Variants in TUSC3 observed in about 807,000 individuals in gnomAD.
TUSC3 encodes dolichyl-diphosphooligosaccharide--protein glycosyltransferase subunit TUSC3.
Under a neutral mutation model 44.8 loss-of-function variants are expected in TUSC3, and 45 were observed. The observed-to-expected ratio is 1.00, with a 90% CI of 0.79 to 1.29. The LOEUF is 1.29. Among genes scored for constraint, TUSC3 ranks in the 50% most tolerant of loss-of-function variants. The pLI is 0.00. For synonymous variants in TUSC3, 212 were observed against 152.9 expected (o/e 1.39, Z -2.85); for missense variants, 519 against 437.9 (o/e 1.19, Z -1.65).
chr8:15,535,741 C>T (rs1431499760), upstream of TUSC3, among the ~76,000 whole-genome samples: 1 of 152,030 alleles, frequency 6.6e-6, no homozygotes, highest in East Asian at 1.9e-4. Context: ...GTGATAGTAG[C>T]AGTACTATAA....
At chr8:15,492,221 G>A (rs143256696) in intron 2 of TUSC3, among the ~76,000 whole-genome samples, 24 of 152,232 alleles carry the variant, frequency 1.6e-4, no homozygotes, top group African/African-American at 5.3e-4. Context: ...ACTTGGGTAC[G>A]TTAATAATAT....
chr8:15,573,039 G>T (rs1050489025), intron 1 of TUSC3, among the ~76,000 whole-genome samples: 1 of 151,844 alleles, frequency 6.6e-6, no homozygotes, highest in Non-Finnish European at 1.5e-5. Flanking sequence ...CCATAGAGTT[G>T]CTTAATGGAG....
chr8:15,426,094 G>A (rs1799800192), intron 1 of TUSC3, among the ~76,000 whole-genome samples: 1 of 152,124 alleles, frequency 6.6e-6, no homozygotes, highest in African/African-American at 2.4e-5. Context: ...CTGTATTTAG[G>A]TGTAATTGAC....
the TUSC3 span, among the ~76,000 whole-genome samples, chr8:15,815,241 T>G: frequency 1.3e-5 from 2 of 151,998 alleles, no homozygotes; most frequent in African/African-American, 4.8e-5. Context: ...GATAGACTAT[T>G]AATAGAGAGA....
chr8:15,757,233 G>A (rs1265641987), intron 9 of TUSC3, among the ~76,000 whole-genome samples: 1 of 152,116 alleles, frequency 6.6e-6, no homozygotes, highest in African/African-American at 2.4e-5. Context: ...AGCTTACAGT[G>A]GACACAGAAA....
Position 15,556,499 on chromosome 8 carries a change from AGT to A in TUSC3, c.138+15932_138+15933del, listed in dbSNP as rs1802271772. Reference sequence around the variant, plus strand: ...GTGTCCTTATAGCAATACGATTTATAGTCCTTTGGGTATATACCCAGTAATGG... The same window carrying A: ...GTGTCCTTATAGCAATACGATTTATACCTTTGGGTATATACCCAGTAATGG... On this transcript the variant is annotated intron_variant, in intron 1 of 10. Transcript: ENST00000503731. 1.6e-4 allele frequency among the ~76,000 whole-genome samples: 24 copies of A among 151,382 alleles called. 1 individual carries two copies. Among genetic ancestry groups the A allele is most frequent in the Non-Finnish European group, 3.2e-4 (22 of 67,752 alleles).
At chr8:15,483,649 AT>A (rs60092911) in intron 2 of TUSC3, among the ~76,000 whole-genome samples, 6,734 of 65,816 alleles carry the variant, frequency 0.1, 210 homozygotes, top group Middle Eastern at 0.19. Flanking sequence ...TAGCACTGTG[AT>A]TTTTTTTTTT....
chr8:15,590,531 T>C lies in TUSC3; in HGVS notation c.139-32549T>C, dbSNP rs115336211. Among the ~76,000 whole-genome samples, 1,250 of 152,268 alleles carry C rather than the reference T, an allele frequency of 8.2e-3. 12 individuals are homozygous for C. The highest frequency in any genetic ancestry group is 0.021 in the African/African-American group (872 of 41,566). Reference sequence around the variant, plus strand: ...AACATTTAATTTTTGTTTTGAATTTTATTTACTATTTTTAGAGGTTCTAGA... The same window carrying C: ...AACATTTAATTTTTGTTTTGAATTTCATTTACTATTTTTAGAGGTTCTAGA... On this transcript the variant is annotated intron_variant, in intron 1 of 10. Transcript: ENST00000503731.
intron 2 of TUSC3, among the ~76,000 whole-genome samples, chr8:15,631,321 C>T (rs906246339): frequency 6.6e-6 from 1 of 152,078 alleles, no homozygotes; most frequent in African/African-American, 2.4e-5. Context: ...ATAGGATAAT[C>T]CCACCATTTT....
chr8:15,442,601 T>A (rs1282017223), intron 1 of TUSC3, among the ~76,000 whole-genome samples: 2 of 152,158 alleles, frequency 1.3e-5, no homozygotes, highest in African/African-American at 4.8e-5. Flanking sequence ...GATAAATGCC[T>A]TACTCCTGAT....
chr8:15,511,417 T>A (rs1013620286), intron 2 of TUSC3, among the ~76,000 whole-genome samples: 5 of 152,200 alleles, frequency 3.3e-5, no homozygotes, highest in Non-Finnish European at 5.9e-5. Context: ...ACTAGAAATA[T>A]GTGAATTTAG....
At chr8:15,444,725 C>G (rs979695964) in intron 1 of TUSC3, among the ~76,000 whole-genome samples, 2 of 152,056 alleles carry the variant, frequency 1.3e-5, no homozygotes, top group Non-Finnish European at 2.9e-5. Context: ...TCCCAAGTAT[C>G]GGTTCTCTAA....
At chr8:15,546,159 A>C (rs986902089) in intron 1 of TUSC3, among the ~76,000 whole-genome samples, 1 of 151,764 alleles carries the variant, frequency 6.6e-6, no homozygotes, top group Non-Finnish European at 1.5e-5. Context: ...CCTGGTCTCT[A>C]TCCAGTCTTT....
At chr8:15,844,804 G>T in the TUSC3 span, among the ~76,000 whole-genome samples, 1 of 151,914 alleles carries the variant, frequency 6.6e-6, no homozygotes, top group Non-Finnish European at 1.5e-5. Flanking sequence ...TACTGCCTCC[G>T]ATATTTTAAA....
intron 7 of TUSC3, among the ~76,000 whole-genome samples, chr8:15,732,855 C>T (rs939950578): frequency 8.5e-5 from 13 of 152,186 alleles, no homozygotes; most frequent in African/African-American, 3.1e-4. Flanking sequence ...CCATTCTCAA[C>T]ATTTTTATTT....
intron 2 of TUSC3, among the ~76,000 whole-genome samples, chr8:15,506,682 T>C (rs1412237902): frequency 2.0e-5 from 3 of 152,154 alleles, no homozygotes; most frequent in Admixed American, 6.5e-5. Context: ...GTGAGACTTA[T>C]TCACTATCAC....
At chr8:15,429,814 A>G (rs1462589278) in intron 1 of TUSC3, among the ~76,000 whole-genome samples, 1 of 151,782 alleles carries the variant, frequency 6.6e-6, no homozygotes, top group East Asian at 1.9e-4. Context: ...CACCGATCCC[A>G]CAGAAATACA....
Position 15,479,138 on chromosome 8 carries a change from T to G in TUSC3, n.92-4248T>G, listed in dbSNP as rs1211449842. On this transcript the variant is annotated intron_variant and non_coding_transcript_variant, in intron 1 of 5. Coordinates refer to the TUSC3 transcript ENST00000503191. The stretch of plus-strand genomic sequence containing the variant: ...GCTTTTTAATGGGGTTGTTTGATTT[T>G]TTTCTTGTATATTTGTTTAAGTTCT... Among the ~76,000 whole-genome samples, 8 of 152,182 alleles carry G rather than the reference T, an allele frequency of 5.3e-5. No homozygotes were observed. The East Asian group carries it at 1.5e-3, about 29-fold the overall frequency.
chr8:15,473,117 A>AAGTGCTAATAT (rs1229943730), intron 1 of TUSC3, among the ~76,000 whole-genome samples: 1 of 152,194 alleles, frequency 6.6e-6, no homozygotes, highest in Non-Finnish European at 1.5e-5. Context: ...TTCCCCAAAT[A>AAGTGCTAATAT]AGTGCTAATA....
Sources: gnomAD v4.1 joint callset for allele counts (sites outside exome capture counted in the v4.1 genomes callset) on GRCh38, gnomAD v4.1.1 for gene constraint, MANE v1.5 for transcripts, NCBI Gene and HGNC (gene_info 2026-07-23, HGNC 2026-07-21) for gene names.